The following ALCAM variants were observed in gnomAD, a reference collection of about 807,000 sequenced individuals.
ALCAM encodes the protein activated leukocyte cell adhesion molecule, also known as CD166 antigen.
Under a neutral mutation model 70.9 loss-of-function variants are expected in ALCAM, and 30 were observed. That is an observed-to-expected ratio of 0.42 (90% CI 0.32 to 0.57). The LOEUF is 0.57. Among genes scored for constraint, ALCAM ranks in the 20% least tolerant of loss-of-function variants. The pLI is 0.11. For missense variants in ALCAM, 591 were observed against 695.1 expected, an observed-to-expected ratio of 0.85 and a Z score of 1.68; for synonymous variants, 249 against 242.5, an observed-to-expected ratio of 1.03 and a Z score of -0.25.
intron 1 of ALCAM, among the ~76,000 whole-genome samples, chr3:105,396,706 G>A (rs1169782660): frequency 1.3e-5 from 2 of 151,948 alleles, no homozygotes; most frequent in Non-Finnish European, 2.9e-5. Context: ...GATGTTCATG[G>A]TGTCAGCGAT....
intron 1 of ALCAM, among the ~76,000 whole-genome samples, chr3:105,487,446 T>C (rs1158589629): frequency 1.3e-5 from 2 of 152,146 alleles, no homozygotes; most frequent in African/African-American, 4.8e-5. Flanking sequence ...CCATGTTTCC[T>C]TCTCCCTAGC....
chr3:105,519,115 C>T (rs1017914), intron 1 of ALCAM, among the ~76,000 whole-genome samples: 100,833 of 151,868 alleles, frequency 0.66, 33,942 homozygotes, highest in East Asian at 0.93. Flanking sequence ...CCTTAATAGA[C>T]ATTCAGCTGT....
chr3:105,371,455 CTTTAA>C (rs1245862292), intron 1 of ALCAM, among the ~76,000 whole-genome samples: 1 of 151,084 alleles, frequency 6.6e-6, no homozygotes, highest in Non-Finnish European at 1.5e-5. Flanking sequence ...GAATAACATT[CTTTAA>C]TTTATTCCAC....
intron 3 of ALCAM, among the ~76,000 whole-genome samples, chr3:105,525,981 T>G (rs1939696628): frequency 6.6e-6 from 1 of 152,208 alleles, no homozygotes; most frequent in South Asian, 2.1e-4. Flanking sequence ...TCTATTTCAC[T>G]TTCATGTTAT....
intron 1 of ALCAM, among the ~76,000 whole-genome samples, chr3:105,435,729 T>G (rs1006841269): frequency 1.3e-5 from 2 of 152,236 alleles, no homozygotes; most frequent in Non-Finnish European, 2.9e-5. Flanking sequence ...TATTAGTCCA[T>G]TTTTATGCTG....
intron 4 of ALCAM, among the ~76,000 whole-genome samples, chr3:105,533,013 A>G (rs1360918232): frequency 6.6e-6 from 1 of 152,178 alleles, no homozygotes; most frequent in African/African-American, 2.4e-5. Flanking sequence ...CTAAAATACC[A>G]AAGTTTTCCT....
intron 7 of ALCAM, among the ~76,000 whole-genome samples, chr3:105,540,722 G>A (rs1256228128): frequency 3.3e-5 from 5 of 151,910 alleles, no homozygotes; most frequent in African/African-American, 4.8e-5. Context: ...GTTTGCTCTC[G>A]CATATCTTTG....
intron 1 of ALCAM, among the ~76,000 whole-genome samples, chr3:105,449,153 T>A (rs1937364832): frequency 6.6e-6 from 1 of 152,232 alleles, no homozygotes; most frequent in Admixed American, 6.5e-5. Context: ...TCCTTGGCAT[T>A]AATGATTCTA....
chr3:105,554,570 A>T (rs1940476795), intron 14 of ALCAM, among the ~76,000 whole-genome samples: 1 of 151,978 alleles, frequency 6.6e-6, no homozygotes, highest in South Asian at 2.1e-4. Context: ...TGACACATAA[A>T]ATTAACCACC....
At chr3:105,449,738 C>G (rs1316878699) in intron 1 of ALCAM, among the ~76,000 whole-genome samples, 4 of 151,896 alleles carry the variant, frequency 2.6e-5, no homozygotes, top group Non-Finnish European at 5.9e-5. Flanking sequence ...GGCTTTTTTT[C>G]TTTATTAGGT....
chr3:105,541,561 T>C (rs1940115870), intron 7 of ALCAM, 72 bp from the exon 8 acceptor site: 3 of 1,500,224 alleles, frequency 2.0e-6, no homozygotes, highest in Non-Finnish European at 2.7e-6. Context: ...AATGCTATCT[T>C]CATCAAGAAA....
rs529345695 is a variant in ALCAM, at chr3:105,419,666, T to A, written c.73+52185T>A. 1.4e-4 allele frequency among the ~76,000 whole-genome samples: 22 copies of A among 151,936 alleles called. 1 individual carries two copies. In the East Asian group the frequency reaches 3.9e-3, roughly 27 times the overall value. ...GAAAAATTTCCCATAGGGAATTTTT[T>A]AAAAATATGGCAGACTAGAAAGTAT... On this transcript the variant is annotated intron_variant, in intron 1 of 15. Coordinates refer to ENST00000306107, the MANE Select transcript of ALCAM (RefSeq NM_001627.4).
intron 1 of ALCAM, among the ~76,000 whole-genome samples, chr3:105,472,617 C>T (rs996169004): frequency 6.6e-6 from 1 of 151,410 alleles, no homozygotes; most frequent in African/African-American, 2.4e-5. Flanking sequence ...AACTGAGGAG[C>T]AAATAGGATT....
At chr3:105,420,585 T>C (rs570990483) in intron 1 of ALCAM, among the ~76,000 whole-genome samples, 2 of 151,794 alleles carry the variant, frequency 1.3e-5, no homozygotes, top group East Asian at 3.9e-4. Flanking sequence ...ACTTTTGTCA[T>C]AATATCTTCC....
At chr3:105,379,241 CTAA>C (rs1367159760) in intron 1 of ALCAM, among the ~76,000 whole-genome samples, 1 of 151,876 alleles carries the variant, frequency 6.6e-6, no homozygotes, top group Non-Finnish European at 1.5e-5. Context: ...TTTCAGTAAC[CTAA>C]TAATATCAGT....
chr3:105,398,927 A>AT (rs765775827), intron 1 of ALCAM, among the ~76,000 whole-genome samples: 37 of 144,248 alleles, frequency 2.6e-4, no homozygotes, highest in East Asian at 1.0e-3. Flanking sequence ...CTTTTCTTTG[A>AT]TTTTTTTTTA....
At chr3:105,448,387 C>G (rs1937344894) in intron 1 of ALCAM, among the ~76,000 whole-genome samples, 1 of 133,564 alleles carries the variant, frequency 7.5e-6, no homozygotes, top group Admixed American at 8.5e-5. Flanking sequence ...AATGTCCTTG[C>G]ATTTTGTAGT....
At position 105,571,983 on chromosome 3, in the gene ALCAM, G is replaced by T. The variant is rs769795412; in HGVS notation, c.*25+19G>T. The T allele has an allele frequency of 2.8e-6, 4 of 1,416,498 alleles. No individual in the cohort carries two copies. The South Asian group carries it at 5.0e-5, about 18-fold the overall frequency. The allele number at this position is 1,416,498 out of a possible 1,614,324, so 87.7% of individuals were successfully genotyped here. On this transcript the variant is annotated intron_variant, in intron 15 of 15. Coordinates refer to ENST00000306107, the MANE Select transcript of ALCAM (RefSeq NM_001627.4). ...TGTCCAGGTGAGTAGTCTGTACGAG[G>T]TTCATAGAAATAATTCCCTAGCAAG... is the stretch of plus-strand genomic sequence containing the variant.
chr3:105,480,182 T>G (rs1396606548), intron 1 of ALCAM, among the ~76,000 whole-genome samples: 7 of 152,046 alleles, frequency 4.6e-5, no homozygotes, highest in Non-Finnish European at 1.0e-4. Context: ...AAACCCAGTC[T>G]GTACTAAAAA....
Sources: gnomAD v4.1 joint callset for allele counts (sites outside exome capture counted in the v4.1 genomes callset) on GRCh38, gnomAD v4.1.1 for gene constraint, MANE v1.5 for transcripts, NCBI Gene and HGNC (gene_info 2026-07-23, HGNC 2026-07-21) for gene names.